Variants in BLTP3B observed in about 807,000 individuals in gnomAD.
BLTP3B encodes the protein UHRF1 (ICBP90) binding protein 1-like.
the BLTP3B span, among the ~76,000 whole-genome samples, chr12:100,045,775 A>T: frequency 3.3e-5 from 5 of 152,176 alleles, no homozygotes; most frequent in Non-Finnish European, 7.4e-5. Context: ...ATAAACTATC[A>T]TCAGAGTGAA....
At chr12:100,068,870 GA>G in the BLTP3B span, among the ~76,000 whole-genome samples, 1 of 152,152 alleles carries the variant, frequency 6.6e-6, no homozygotes, top group East Asian at 1.9e-4. Context: ...AGTGAACAGA[GA>G]ATACTTCCAC....
chr12:100,107,798 A>C, the BLTP3B span, among the ~76,000 whole-genome samples: 2 of 152,166 alleles, frequency 1.3e-5, no homozygotes, highest in Non-Finnish European at 2.9e-5. Flanking sequence ...GCAGTGGCAC[A>C]ATCATGACTC....
At chr12:100,075,310 A>T in the BLTP3B span, among the ~76,000 whole-genome samples, 1 of 151,854 alleles carries the variant, frequency 6.6e-6, no homozygotes, top group Admixed American at 6.6e-5. Context: ...ACGCCCGGCT[A>T]CACCTTCTAC....
chr12:100,042,411 T>C, the BLTP3B span, among the ~76,000 whole-genome samples: 1 of 152,166 alleles, frequency 6.6e-6, no homozygotes, highest in Non-Finnish European at 1.5e-5. Context: ...ATCAAGACAG[T>C]GTGGTAGTAT....
the BLTP3B span, among the ~76,000 whole-genome samples, chr12:100,068,027 G>A: frequency 6.6e-6 from 1 of 152,074 alleles, no homozygotes; most frequent in Non-Finnish European, 1.5e-5. Context: ...CCAAAAAAGA[G>A]TCTGCATGGC....
At chr12:100,137,101 G>A in the BLTP3B span, among the ~76,000 whole-genome samples, 40 of 152,284 alleles carry the variant, frequency 2.6e-4, no homozygotes, top group South Asian at 1.0e-3. Context: ...ATAAGCCACG[G>A]CGCCCAGCCT....
chr12:100,053,405 A>G, the BLTP3B span, among the ~76,000 whole-genome samples: 3 of 152,054 alleles, frequency 2.0e-5, no homozygotes, highest in African/African-American at 7.2e-5. Flanking sequence ...GAGACTTGGT[A>G]TCAAAAATAT....
chr12:100,066,120 G>A, the BLTP3B span, among the ~76,000 whole-genome samples: 1 of 152,112 alleles, frequency 6.6e-6, no homozygotes, highest in Admixed American at 6.6e-5. Flanking sequence ...ACCATCTGCT[G>A]CCTTCAAGAG....
chr12:100,065,326 C>T, the BLTP3B span, among the ~76,000 whole-genome samples: 4 of 151,636 alleles, frequency 2.6e-5, no homozygotes, highest in Non-Finnish European at 4.4e-5. Context: ...AGAATAACAG[C>T]GATTTTCAGG....
the BLTP3B span, among the ~76,000 whole-genome samples, chr12:100,076,141 T>A: frequency 2.0e-5 from 3 of 151,970 alleles, no homozygotes; most frequent in African/African-American, 7.3e-5. Flanking sequence ...CTATTAGTTT[T>A]AAGGTTCTGG....
At chr12:100,066,394 G>A in the BLTP3B span, among the ~76,000 whole-genome samples, 6 of 152,110 alleles carry the variant, frequency 3.9e-5, no homozygotes, top group Admixed American at 3.9e-4. Flanking sequence ...ATAGGCCTAA[G>A]AAATGAGATA....
At chr12:100,084,547 G>A in the BLTP3B span, 1 of 1,614,002 alleles carries the variant, frequency 6.2e-7, no homozygotes, top group East Asian at 2.2e-5. Flanking sequence ...ATCCTTCACA[G>A]CCTGTTTAAG....
chr12:100,055,289 A>G, the BLTP3B span, among the ~76,000 whole-genome samples: 1 of 152,212 alleles, frequency 6.6e-6, no homozygotes, highest in African/African-American at 2.4e-5. Context: ...CACCTTTAAA[A>G]TGAAGATAAC....
chr12:100,058,265 A>G, the BLTP3B span: 22 of 1,613,776 alleles, frequency 1.4e-5, no homozygotes, highest in Non-Finnish European at 1.7e-5. Flanking sequence ...TTGAATCTGT[A>G]TAAAATGAAT....
the BLTP3B span, among the ~76,000 whole-genome samples, chr12:100,132,410 T>C: frequency 5.3e-5 from 8 of 152,304 alleles, no homozygotes; most frequent in East Asian, 1.5e-3. Context: ...TCTTCATAAA[T>C]GGCTTGGTAT....
the BLTP3B span, among the ~76,000 whole-genome samples, chr12:100,121,153 G>A: frequency 3.3e-5 from 5 of 152,004 alleles, no homozygotes; most frequent in African/African-American, 1.2e-4. Flanking sequence ...TTTGAGACCA[G>A]CCTGACCAAC....
At chr12:100,037,600 C>T in the BLTP3B span, 2 of 1,604,468 alleles carry the variant, frequency 1.2e-6, no homozygotes, top group Non-Finnish European at 1.7e-6. Context: ...CCTTCCTACT[C>T]CAGAGCTATA....
chr12:100,142,134 C>T, the BLTP3B span, among the ~76,000 whole-genome samples: 16 of 152,330 alleles, frequency 1.1e-4, no homozygotes, highest in South Asian at 1.7e-3. Flanking sequence ...ACAGCCTCCA[C>T]TGAGCGTCCA....
At chr12:100,133,584 G>A in the BLTP3B span, among the ~76,000 whole-genome samples, 1 of 152,186 alleles carries the variant, frequency 6.6e-6, no homozygotes, top group African/African-American at 2.4e-5. Flanking sequence ...TACTGGATCA[G>A]TGACTTTACC....
Sources: gnomAD v4.1 joint callset for allele counts (sites outside exome capture counted in the v4.1 genomes callset) on GRCh38, gnomAD v4.1.1 for gene constraint, MANE v1.5 for transcripts, NCBI Gene and HGNC (gene_info 2026-07-23, HGNC 2026-07-21) for gene names.